ANK3: variants seen among roughly 807,000 people sequenced by gnomAD.
ANK3 encodes the protein ankyrin 3, also known as ankyrin-3.
ANK3 carries 57 observed loss-of-function variants against 370.9 expected under a neutral mutation model. The observed-to-expected ratio is 0.15, with a 90% confidence interval of 0.12 to 0.19. The LOEUF (loss-of-function observed/expected upper bound fraction) is 0.19. Ranked by LOEUF, ANK3 falls within the 10% of genes least tolerant of loss-of-function variation. The pLI, the probability that ANK3 is intolerant of heterozygous loss-of-function variation, is 1.00. For synonymous variants in ANK3, 1,929 were observed against 1,946.3 expected (o/e 0.99, Z 0.23); for missense variants, 4,439 against 5,302.1 (o/e 0.84, Z 5.06).
At chr10:60,706,973 G>A (rs2079628871) in intron 1 of ANK3, among the ~76,000 whole-genome samples, 1 of 152,032 alleles carries the variant, frequency 6.6e-6, no homozygotes, top group African/African-American at 2.4e-5. Flanking sequence ...GTATATATTT[G>A]TGTTCATATA....
chr10:60,172,517 A>C, intron 20 of ANK3, 114 bp from the exon 21 acceptor site: 1 of 809,502 alleles, frequency 1.2e-6, no homozygotes, highest in Non-Finnish European at 2.0e-6. Context: ...TCATACACAA[A>C]TAAGTGTTTC....
At chr10:60,210,305 C>T (rs1412818139) in intron 9 of ANK3, among the ~76,000 whole-genome samples, 2 of 151,942 alleles carry the variant, frequency 1.3e-5, no homozygotes, top group African/African-American at 4.8e-5. Flanking sequence ...ATGGCACTGG[C>T]AGGAGGTGGT....
intron 17 of ANK3, 96 bp downstream of exon 17, chr10:60,186,619 C>T (rs773866133): frequency 3.1e-6 from 4 of 1,280,678 alleles, no homozygotes; most frequent in South Asian, 1.3e-5. Context: ...CTTTACACAT[C>T]CTATTTGACT....
intron 23 of ANK3, among the ~76,000 whole-genome samples, chr10:60,164,095 G>A (rs1415704412): frequency 6.6e-6 from 1 of 152,094 alleles, no homozygotes; most frequent in African/African-American, 2.4e-5. Flanking sequence ...AAGTTGTAGG[G>A]GTCCTTTTAG....
chr10:60,043,128 T>A, intron 42 of ANK3: 1 of 1,012,330 alleles, frequency 9.9e-7, no homozygotes. Flanking sequence ...ACTTCTTAGT[T>A]AAGTACTAAT....
chr10:60,663,629 T>A (rs762719874), intron 1 of ANK3, among the ~76,000 whole-genome samples: 2 of 152,208 alleles, frequency 1.3e-5, no homozygotes, highest in Non-Finnish European at 2.9e-5. Context: ...CGTCTGATAA[T>A]AGCATTTCCT....
intron 2 of ANK3, chr10:60,572,910 GAGAC>G: frequency 3.0e-6 from 3 of 1,016,852 alleles, no homozygotes; most frequent in East Asian, 9.6e-5. Flanking sequence ...AAGAGAGAGA[GAGAC>G]ACACACACAC....
At chr10:60,485,083 A>G (rs1260427372) in intron 2 of ANK3, among the ~76,000 whole-genome samples, 1 of 152,206 alleles carries the variant, frequency 6.6e-6, no homozygotes, top group Non-Finnish European at 1.5e-5. Flanking sequence ...ATAAATGAAG[A>G]ATTAGGACAC....
intron 1 of ANK3, chr10:60,300,568 G>A: frequency 8.5e-7 from 1 of 1,174,654 alleles, no homozygotes; most frequent in East Asian, 6.0e-5. Context: ...CTTATAAACA[G>A]CATAGTACCT....
chr10:60,509,044 T>G (rs921080173), intron 2 of ANK3, among the ~76,000 whole-genome samples: 1 of 152,076 alleles, frequency 6.6e-6, no homozygotes, highest in African/African-American at 2.4e-5. Context: ...TGCTGGGAGT[T>G]TGCCAATGTA....
At chr10:60,186,591 A>T (rs1042691247) in intron 17 of ANK3, 124 bp downstream of exon 17, 1 of 1,084,460 alleles carries the variant, frequency 9.2e-7, no homozygotes. Flanking sequence ...TTGGTAAACA[A>T]CTTGGTGCAA....
At chr10:60,628,138 A>G (rs533136116) in intron 1 of ANK3, among the ~76,000 whole-genome samples, 11 of 152,196 alleles carry the variant, frequency 7.2e-5, no homozygotes, top group African/African-American at 2.2e-4. Context: ...CCTAAATTCA[A>G]TACTCTTATC....
intron 16 of ANK3, among the ~76,000 whole-genome samples, chr10:60,189,270 A>T (rs1432078699): frequency 6.6e-6 from 1 of 152,206 alleles, no homozygotes; most frequent in African/African-American, 2.4e-5. Context: ...AGCCAGGAGG[A>T]TCACTTGAGC....
intron 1 of ANK3, among the ~76,000 whole-genome samples, chr10:60,370,452 A>C (rs1185830058): frequency 6.6e-6 from 1 of 152,302 alleles, no homozygotes; most frequent in East Asian, 1.9e-4. Context: ...TTAATTTAAA[A>C]AGAAAAAATA....
chr10:60,116,406 G>A (rs1313547788), intron 25 of ANK3, among the ~76,000 whole-genome samples: 2 of 152,058 alleles, frequency 1.3e-5, no homozygotes, highest in Non-Finnish European at 2.9e-5. Flanking sequence ...TTATTAATGA[G>A]TAGACAGCTG....
rs576625614 is a variant in ANK3, at chr10:60,114,463, C to A, written c.2842-132G>T. Reference sequence around the variant, plus strand: ...ATTCAACATAAATAATTTTTAAATTCTCCTCTATAGAAATACATTGAAATC... The same window carrying A: ...ATTCAACATAAATAATTTTTAAATTATCCTCTATAGAAATACATTGAAATC... On this transcript the variant is annotated intron_variant, in intron 25 of 43. Transcript: ENST00000280772. 1.0e-4 allele frequency: 46 copies of A among 443,598 alleles called. No individual in the cohort carries two copies. In the South Asian group the frequency reaches 1.5e-3, roughly 14 times the overall value. The allele number at this position is 443,598 out of a possible 1,614,324, so 27.5% of individuals were successfully genotyped here. A position where few individuals can be genotyped will look rare whatever the true frequency, so the allele number is the denominator to read the frequency against.
At chr10:60,468,942 C>T (rs113811806) in intron 2 of ANK3, among the ~76,000 whole-genome samples, 2 of 128,482 alleles carry the variant, frequency 1.6e-5, no homozygotes, top group South Asian at 4.9e-4. Context: ...TATATACACA[C>T]ATGTATATAT....
At chr10:60,192,249 A>G (rs1189062166) in intron 16 of ANK3, among the ~76,000 whole-genome samples, 1 of 151,932 alleles carries the variant, frequency 6.6e-6, no homozygotes, top group Non-Finnish European at 1.5e-5. Flanking sequence ...GTGTGTATAC[A>G]GATATATATA....
chr10:60,117,661 A>G (rs1218617500), intron 25 of ANK3, among the ~76,000 whole-genome samples: 1 of 152,116 alleles, frequency 6.6e-6, no homozygotes, highest in African/African-American at 2.4e-5. Context: ...TACTAAAAAT[A>G]CAAAAAATTA....
Sources: gnomAD v4.1 joint callset for allele counts (sites outside exome capture counted in the v4.1 genomes callset) on GRCh38, gnomAD v4.1.1 for gene constraint, MANE v1.5 for transcripts, NCBI Gene and HGNC (gene_info 2026-07-23, HGNC 2026-07-21) for gene names.